FBLN1: variants seen among roughly 807,000 people sequenced by gnomAD.
FBLN1 encodes the protein fibulin-1.
FBLN1 carries 34 observed loss-of-function variants against 89.7 expected under a neutral mutation model. The observed-to-expected ratio is 0.38, with a 90% CI of 0.29 to 0.50. FBLN1 has a LOEUF of 0.50. Ranked by LOEUF, FBLN1 falls within the 20% of genes least tolerant of loss-of-function variation. The pLI, the probability that FBLN1 is intolerant of heterozygous loss-of-function variation, is 0.92. For missense variants in FBLN1, 777 were observed against 988.1 expected (o/e 0.79, Z 2.86); for synonymous variants, 393 against 391.3 (o/e 1.00, Z -0.05).
intron 16 of FBLN1, among the ~76,000 whole-genome samples, chr22:45,598,140 C>T (rs925186888): frequency 2.6e-5 from 4 of 152,196 alleles, no homozygotes; most frequent in Non-Finnish European, 5.9e-5. Flanking sequence ...TATTTCTCAA[C>T]TTGTGGTTGT....
chr22:45,528,067 A>G (rs2088354808), intron 4 of FBLN1, 58 bp downstream of exon 4: 2 of 1,578,142 alleles, frequency 1.3e-6, no homozygotes, highest in African/African-American at 1.3e-5. Flanking sequence ...CGGGATGTGT[A>G]TATAGAGCGA....
rs1300522764 is a variant in FBLN1 at position 45,591,950 on chromosome 22, C to T, written c.1973-8357C>T. 2.1e-5 allele frequency among the ~76,000 whole-genome samples: 3 copies of T among 141,108 alleles called. 1 individual carries two copies. Among genetic ancestry groups the T allele is most frequent in the African/African-American group, 7.7e-5 (3 of 39,178 alleles). The allele number at this position is 141,108 out of a possible 152,430, so 92.6% of individuals were successfully genotyped here. A position where few individuals can be genotyped will look rare whatever the true frequency, so the allele number is the denominator to read the frequency against. On this transcript the variant is annotated intron_variant, in intron 16 of 16. Coordinates refer to ENST00000327858, the MANE Select transcript of FBLN1 (RefSeq NM_006486.3). ...AGTGTCCTGCGCGCCATTTTGCAGA[C>T]AGGAGGGAGGAAGTGTCCTGCGCGC...
rs562172512 is a variant in FBLN1, at chr22:45,597,449, T to G, written c.1973-2858T>G. 6.6e-6 allele frequency among the ~76,000 whole-genome samples: 1 copy of G among 152,208 alleles called. No homozygotes were observed. Among genetic ancestry groups the G allele is most frequent in the Non-Finnish European group, 1.5e-5 (1 of 68,040 alleles). On this transcript the variant is annotated intron_variant, in intron 16 of 16. Transcript: ENST00000327858. The surrounding 1 kb of genome is among the most constrained non-coding windows in gnomAD (Gnocchi z 4.2). ...TGGTAAGAAGTGTCTCTGCGCCTAG[T>G]ACCAGTAAAGTTGGCAGGTCACTGT... is the stretch of plus-strand genomic sequence containing the variant.
At chr22:45,523,256 G>A in intron 2 of FBLN1, 1 of 716,480 alleles carries the variant, frequency 1.4e-6, no homozygotes, top group Non-Finnish European at 2.6e-6. Context: ...GCAACGGCCA[G>A]TCCCAGGGAG....
At position 45,581,212 on chromosome 22, in the gene FBLN1, C is replaced by G. The variant is rs550704864; in HGVS notation, c.1972+4104C>G. Among the ~76,000 whole-genome samples, 6 of 152,278 alleles carry G rather than the reference C, an allele frequency of 3.9e-5. No individual in the cohort carries two copies. Among genetic ancestry groups the G allele is most frequent in the East Asian group, 1.9e-4 (1 of 5,154 alleles). On this transcript the variant is annotated intron_variant, in intron 16 of 16. Coordinates refer to ENST00000327858, the MANE Select transcript of FBLN1 (RefSeq NM_006486.3). This position sits in a 1 kb window ranked among gnomAD's most constrained non-coding sequence, Gnocchi z 7.6. ...GGAAGAGAGAGACAGAAAGGCAACT[C>G]GAGGCCACCCGGGCTCCCCGGGCCC...
In FBLN1 at chr22:45,542,139, C is replaced by T. The variant is rs1324757588; in HGVS notation, c.1067-16C>T. 4 of 1,614,072 alleles carry T rather than the reference C, an allele frequency of 2.5e-6. No individual in the cohort carries two copies. The highest frequency in any genetic ancestry group is 3.4e-6 in the Non-Finnish European group (4 of 1,180,048). On this transcript the variant is annotated splice_polypyrimidine_tract_variant and intron_variant, in intron 9 of 16. Coordinates refer to ENST00000327858, the MANE Select transcript of FBLN1 (RefSeq NM_006486.3). ...AACTAAAGGTTTTCATCATGGCTTT[C>T]TTTCTCCTTTGCAAGATGTGGACGA...
At chr22:45,573,392 T>C (rs1300678570) in intron 14 of FBLN1, among the ~76,000 whole-genome samples, 4 of 147,540 alleles carry the variant, frequency 2.7e-5, no homozygotes, top group South Asian at 2.2e-4. Context: ...GAAACCCAAG[T>C]AGGCCGGGCT....
chr22:45,543,217 G>T (rs531178524), intron 10 of FBLN1, among the ~76,000 whole-genome samples, 184 bp from the exon 11 acceptor site: 2 of 152,248 alleles, frequency 1.3e-5, no homozygotes, highest in South Asian at 4.1e-4. Context: ...AGTGAGCTGA[G>T]ATCATGCCAC....
chr22:45,531,795 G>A lies in FBLN1; in HGVS notation c.544+471G>A, dbSNP rs1210733974. ...GCTGGGGAGGGTGGCCCAGGCCCAG[G>A]GCCAGAGCTGGTGTGGAAAGCCTGC... On this transcript the variant is annotated intron_variant, in intron 5 of 16. Coordinates refer to ENST00000327858, the MANE Select transcript of FBLN1 (RefSeq NM_006486.3). The surrounding 1 kb of genome is among the most constrained non-coding windows in gnomAD (Gnocchi z 4.9). Among the ~76,000 whole-genome samples the A allele has an allele frequency of 6.6e-6, 1 of 152,188 alleles. No homozygotes were observed. The highest frequency in any genetic ancestry group is 1.5e-5 in the Non-Finnish European group (1 of 68,038).
At chr22:45,586,235 A>C (rs2089084469) in intron 16 of FBLN1, among the ~76,000 whole-genome samples, 1 of 152,116 alleles carries the variant, frequency 6.6e-6, no homozygotes, top group South Asian at 2.1e-4. Context: ...CGCACTGCAC[A>C]CCCGAGATTG....
chr22:45,599,354 T>C (rs974812772), intron 16 of FBLN1, among the ~76,000 whole-genome samples: 1 of 152,130 alleles, frequency 6.6e-6, no homozygotes. Flanking sequence ...TTCCCTGTTA[T>C]CACAAACACT....
chr22:45,511,283 T>C (rs1280598595), intron 1 of FBLN1, among the ~76,000 whole-genome samples: 1 of 151,340 alleles, frequency 6.6e-6, no homozygotes, highest in East Asian at 1.9e-4. Context: ...GCCTCCCGAG[T>C]AGCTGGGATT....
rs115123476 is a variant in FBLN1, at chr22:45,541,222, G to A, written c.923-7G>A. On this transcript the variant is annotated splice_region_variant and splice_polypyrimidine_tract_variant and intron_variant, in intron 8 of 16. Transcript: ENST00000327858. ...AACCACATGGTCTCTGTCTTTTCCCGCTGTAGATATCAATGAGTGTTTGAG... is the reference window on the plus strand; with the variant it reads ...AACCACATGGTCTCTGTCTTTTCCCACTGTAGATATCAATGAGTGTTTGAG... 7.6e-4 allele frequency: 1,231 copies of A among 1,614,164 alleles called. 9 individuals carry two copies. The African/African-American group carries it at 0.013, about 17-fold the overall frequency.
Position 45,562,817 on chromosome 22 carries a change from C to CGGGG in FBLN1, c.1698-11693_1698-11692insGGGG. On this transcript the variant is annotated intron_variant, in intron 14 of 16. Coordinates refer to ENST00000327858, the MANE Select transcript of FBLN1 (RefSeq NM_006486.3). The surrounding 1 kb of genome is among the most constrained non-coding windows in gnomAD (Gnocchi z 7.8). ...CGGCCAGAGGGGCGGCGGGAGGCCC[C>CGGGG]GCCTGCCAGCCCCGCATCCCCGCGC... 7.9e-7 allele frequency: 1 copy of CGGGG among 1,273,380 alleles called. No individual in the cohort carries two copies. Among genetic ancestry groups the CGGGG allele is most frequent in the South Asian group, 1.2e-5 (1 of 84,168 alleles). 78.9% of individuals were successfully genotyped at this position (1,273,380 alleles called of 1,614,324 possible).
At chr22:45,558,128 GT>G in intron 14 of FBLN1, 1 of 715,938 alleles carries the variant, frequency 1.4e-6, no homozygotes. Flanking sequence ...GAGAAGGCAA[GT>G]TGGCAGGAGT....
Position 45,550,536 on chromosome 22 carries a change from G to A in FBLN1, c.1618G>A (p.Glu540Lys), listed in dbSNP as rs141938890. Reference protein sequence around the residue: ...VTGIHNCSINETCFNIQGGFR... With the variant: ...VTGIHNCSINKTCFNIQGGFR... ...TGGCATCCACAACTGCTCCATCAAC[G>A]AGACCTGCTTCAACATCCAGGGCGG... The change falls in exon 14 of 17, where the codon GAG (glutamate) becomes AAG (lysine). Residue 540 changes from glutamate to lysine, a missense_variant. Glu to Lys is a moderately conservative substitution (Grantham distance 56). Coordinates refer to ENST00000327858, the MANE Select transcript of FBLN1 (RefSeq NM_006486.3). This position sits in a 1 kb window ranked among gnomAD's most constrained non-coding sequence, Gnocchi z 8.4. The A allele has an allele frequency of 2.2e-5, 35 of 1,614,036 alleles. No homozygotes were observed. Among genetic ancestry groups the A allele is most frequent in the Non-Finnish European group, 2.5e-5 (30 of 1,180,052 alleles).
chr22:45,535,074 T>G, intron 7 of FBLN1, 126 bp from the exon 8 acceptor site: 1 of 1,096,100 alleles, frequency 9.1e-7, no homozygotes, highest in African/African-American at 1.6e-5. Context: ...ATTTCTCTAT[T>G]AGAATGTTTT....
rs2089028091 is a variant in FBLN1, at chr22:45,579,853, C to A, written c.1972+2745C>A. ...CTGCCCAGAATAACTTCCATACATC[C>A]TGGGAGCTTCCTGGTCCCTAGGGGC... is the stretch of plus-strand genomic sequence containing the variant. On this transcript the variant is annotated intron_variant, in intron 16 of 16. Transcript: ENST00000327858. The surrounding 1 kb of genome is among the most constrained non-coding windows in gnomAD (Gnocchi z 5.5). Among the ~76,000 whole-genome samples, 1 of 152,138 alleles carries A rather than the reference C, an allele frequency of 6.6e-6. No homozygotes were observed. Among genetic ancestry groups the A allele is most frequent in the South Asian group, 2.1e-4 (1 of 4,830 alleles).
chr22:45,550,586 C>T lies in FBLN1; in HGVS notation c.1668C>T (p.Cys556=). The T allele has an allele frequency of 6.2e-7, 1 of 1,614,086 alleles. No individual in the cohort carries two copies. The highest frequency in any genetic ancestry group is 1.3e-5 in the African/African-American group (1 of 75,054). The change falls in exon 14 of 17, where the codon TGC becomes TGT. Residue 556 remains cysteine, a synonymous_variant. Coordinates refer to ENST00000327858, the MANE Select transcript of FBLN1 (RefSeq NM_006486.3). The surrounding 1 kb of genome is among the most constrained non-coding windows in gnomAD (Gnocchi z 8.4). ...QGGFRCLAFE[C]PENYRRSAAT... is the part of the protein sequence containing the mutation. ...GCTTCCGCTGCCTGGCCTTCGAGTG[C>T]CCTGAGAACTACCGCCGCTCCGCAG...
Sources: gnomAD v4.1 joint callset for allele counts (sites outside exome capture counted in the v4.1 genomes callset) on GRCh38, gnomAD v4.1.1 for gene constraint, Gnocchi (gnomAD v3.1) non-coding constraint, MANE v1.5 for transcripts, NCBI Gene and HGNC (gene_info 2026-07-23, HGNC 2026-07-21) for gene names.